FANK1: variants seen among roughly 807,000 people sequenced by gnomAD.
FANK1 encodes the protein fibronectin type III and ankyrin repeat domains 1.
In FANK1, 44 loss-of-function variants were observed where a neutral mutation model predicts 45.3. That is an observed-to-expected ratio of 0.97 (90% CI 0.76 to 1.25). FANK1 has a LOEUF of 1.25. Ranked by LOEUF, FANK1 falls within the 50% of genes most tolerant of loss-of-function variation. The probability of loss-of-function intolerance (pLI) is 0.00; values close to 1 mark genes in which losing one functional copy is unlikely to be tolerated. For missense variants in FANK1, 391 were observed against 424.4 expected (o/e 0.92, Z 0.69); for synonymous variants, 149 against 152.5 (o/e 0.98, Z 0.17).
rs1220157939 is a variant in FANK1, at chr10:125,950,487, A to AT, written c.14-29671dup. Among the ~76,000 whole-genome samples, 13 of 152,170 alleles carry AT rather than the reference A, an allele frequency of 8.5e-5. No individual in the cohort carries two copies. The East Asian group carries it at 2.5e-3, about 29-fold the overall frequency. ...GAACAGACACTTCTCAGAAGAAGAC[A>AT]TTTATGCAGCCAAAAAACACATGAA... is the stretch of plus-strand genomic sequence containing the variant. On this transcript the variant is annotated intron_variant, in intron 1 of 10. Coordinates refer to ENST00000368693, the MANE Select transcript of FANK1 (RefSeq NM_145235.5).
chr10:125,958,240 CTT>C (rs757318101), intron 1 of FANK1, among the ~76,000 whole-genome samples: 10 of 152,064 alleles, frequency 6.6e-5, no homozygotes, highest in Non-Finnish European at 1.5e-4. Context: ...CCTCTGTTCT[CTT>C]TTTTACTTCT....
intron 1 of FANK1, among the ~76,000 whole-genome samples, chr10:125,908,371 G>A (rs111498195): frequency 2.0e-5 from 3 of 149,926 alleles, no homozygotes; most frequent in African/African-American, 4.9e-5. Flanking sequence ...ATCAGTGAAC[G>A]AATGGATAAA....
chr10:126,002,939 T>G (rs1306751673), intron 6 of FANK1, among the ~76,000 whole-genome samples: 1 of 152,066 alleles, frequency 6.6e-6, no homozygotes, highest in Non-Finnish European at 1.5e-5. Context: ...ATATCACTGA[T>G]ACACAACCAC....
intron 1 of FANK1, among the ~76,000 whole-genome samples, chr10:125,900,005 T>C (rs1944901126): frequency 6.6e-6 from 1 of 152,296 alleles, no homozygotes; most frequent in Non-Finnish European, 1.5e-5. Context: ...AGTTTTCTAT[T>C]ACTTTTAGGA....
chr10:125,993,405 A>G (rs1207334535), intron 3 of FANK1, among the ~76,000 whole-genome samples: 1 of 152,198 alleles, frequency 6.6e-6, no homozygotes, highest in African/African-American at 2.4e-5. Flanking sequence ...GATGAGACGC[A>G]TCATGATTTT....
chr10:126,004,158 C>CT (rs1354878114), intron 6 of FANK1: 1 of 86,518 alleles, frequency 1.2e-5, no homozygotes, highest in Admixed American at 1.1e-4. Context: ...ACATTTTATC[C>CT]TTAAAAAAAA....
chr10:125,919,914 C>T (rs1160782322), intron 1 of FANK1, among the ~76,000 whole-genome samples: 1 of 151,164 alleles, frequency 6.6e-6, no homozygotes, highest in Non-Finnish European at 1.5e-5. Context: ...TTGTTTCTGC[C>T]TATAGTAATT....
Position 125,996,533 on chromosome 10 carries a change from T to A in FANK1, c.399-17T>A. 1 of 1,613,828 alleles carries A rather than the reference T, an allele frequency of 6.2e-7. No individual in the cohort carries two copies. The highest frequency in any genetic ancestry group is 8.5e-7 in the Non-Finnish European group (1 of 1,179,804). On this transcript the variant is annotated splice_polypyrimidine_tract_variant and intron_variant, in intron 4 of 10. Transcript: ENST00000368693. ...CTGTACTGAGCATGTTTATCTCTTTTCTCTGCTTTTCCCAAGCCGTGTTAA... is the reference window on the plus strand; with the variant it reads ...CTGTACTGAGCATGTTTATCTCTTTACTCTGCTTTTCCCAAGCCGTGTTAA...
At chr10:125,966,183 G>C (rs1218214794) in intron 1 of FANK1, among the ~76,000 whole-genome samples, 1 of 152,086 alleles carries the variant, frequency 6.6e-6, no homozygotes, top group African/African-American at 2.4e-5. Context: ...GCAAAGTAGA[G>C]GAAAGCAACT....
chr10:126,004,604 A>C, intron 6 of FANK1: 1 of 348,798 alleles, frequency 2.9e-6, no homozygotes, highest in South Asian at 3.2e-5. Flanking sequence ...TTTCGTATAA[A>C]TGGAATCAGA....
chr10:125,996,754 C>A, intron 5 of FANK1, 130 bp downstream of exon 5: 1 of 742,854 alleles, frequency 1.3e-6, no homozygotes, highest in Non-Finnish European at 2.2e-6. Context: ...TCTCCCAAAC[C>A]GTACCATATG....
chr10:125,934,957 G>A (rs549984362), intron 1 of FANK1, among the ~76,000 whole-genome samples: 1 of 152,026 alleles, frequency 6.6e-6, no homozygotes, highest in East Asian at 1.9e-4. Context: ...CTCCCAGCAC[G>A]ATGCTGTTTC....
intron 1 of FANK1, among the ~76,000 whole-genome samples, chr10:125,969,012 C>A (rs930966587): frequency 1.3e-5 from 2 of 152,266 alleles, no homozygotes; most frequent in South Asian, 4.1e-4. Flanking sequence ...TAAGAACTTT[C>A]TTACAAAAAG....
chr10:125,924,017 A>G (rs1200789414), intron 1 of FANK1, among the ~76,000 whole-genome samples: 2 of 152,044 alleles, frequency 1.3e-5, no homozygotes, highest in African/African-American at 4.8e-5. Flanking sequence ...TTGAGAGGCA[A>G]AGGTGGGAGG....
intron 1 of FANK1, among the ~76,000 whole-genome samples, chr10:125,914,077 A>G (rs993986543): frequency 4.6e-5 from 7 of 152,132 alleles, no homozygotes; most frequent in Admixed American, 4.6e-4. Context: ...TCTTAAATTA[A>G]GAACCATTAG....
At chr10:125,902,749 C>T (rs1945151363) in intron 1 of FANK1, among the ~76,000 whole-genome samples, 2 of 152,174 alleles carry the variant, frequency 1.3e-5, no homozygotes, top group Admixed American at 1.3e-4. Context: ...AAAATCTTTA[C>T]ACTCCCAGCC....
rs34132526 is a variant in FANK1, at chr10:125,906,515, C to CAAAA, written c.13+9886_13+9889dup. 5.4e-3 allele frequency among the ~76,000 whole-genome samples: 252 copies of CAAAA among 46,402 alleles called. 16 individuals are homozygous for CAAAA. The highest frequency in any genetic ancestry group is 0.016 in the African/African-American group (220 of 13,422). The allele number at this position is 46,402 out of a possible 152,430, so 30.4% of individuals were successfully genotyped here. A position where few individuals can be genotyped will look rare whatever the true frequency, so the allele number is the denominator to read the frequency against. Reference sequence around the variant, plus strand: ...TTGGGGACAGAGCAAGACTCTGTCTCAAAAAAAAAAAAAAAAAAAAAAAAA... The same window carrying CAAAA: ...TTGGGGACAGAGCAAGACTCTGTCTCAAAAAAAAAAAAAAAAAAAAAAAAAAAAA... On this transcript the variant is annotated intron_variant, in intron 1 of 10. Coordinates refer to ENST00000368693, the MANE Select transcript of FANK1 (RefSeq NM_145235.5).
intron 4 of FANK1, among the ~76,000 whole-genome samples, chr10:125,996,285 G>A (rs1397944536): frequency 1.3e-5 from 2 of 152,212 alleles, no homozygotes; most frequent in African/African-American, 4.8e-5. Flanking sequence ...ATGGCCTCAT[G>A]GCTTTGAGCC....
At chr10:125,913,179 A>G (rs926498873) in intron 1 of FANK1, among the ~76,000 whole-genome samples, 6 of 152,214 alleles carry the variant, frequency 3.9e-5, no homozygotes, top group African/African-American at 1.4e-4. Context: ...ATCAACAGAA[A>G]TGCCCAACAG....
Sources: gnomAD v4.1 joint callset for allele counts (sites outside exome capture counted in the v4.1 genomes callset) on GRCh38, gnomAD v4.1.1 for gene constraint, MANE v1.5 for transcripts, NCBI Gene and HGNC (gene_info 2026-07-23, HGNC 2026-07-21) for gene names.